Variants in SCN4A observed in about 807,000 individuals in gnomAD.
SCN4A encodes sodium channel protein type 4 subunit alpha.
Under a neutral mutation model 162.0 loss-of-function variants are expected in SCN4A, and 83 were observed. The ratio of observed to expected loss-of-function variants is 0.51; its 90% CI spans 0.43 to 0.61. SCN4A has a LOEUF of 0.61. Among genes scored for constraint, SCN4A ranks in the 20% least tolerant of loss-of-function variants. SCN4A has a pLI of 0.00. For synonymous variants in SCN4A, 944 were observed against 985.1 expected (o/e 0.96, Z 0.78); for missense variants, 2,196 against 2,462.5 (o/e 0.89, Z 2.29).
intron 13 of SCN4A, among the ~76,000 whole-genome samples, chr17:63,955,610 C>G (rs1382535332): frequency 6.6e-6 from 1 of 152,118 alleles, no homozygotes; most frequent in Non-Finnish European, 1.5e-5. Flanking sequence ...CACATAGAAA[C>G]AGCAACTCCC....
At position 63,951,024 on chromosome 17, in the gene SCN4A, G is replaced by A. The variant is rs79444900; in HGVS notation, c.2853+400C>T. Among the ~76,000 whole-genome samples, 4,659 of 152,330 alleles carry A rather than the reference G, an allele frequency of 0.031. 237 individuals carry two copies. The highest frequency in any genetic ancestry group is 0.11 in the African/African-American group (4,454 of 41,558). ...CTAAACAGAGATAGAGGATAAGTGT[G>A]AGGACTGGGCAAGGGGCCTCAAACC... On this transcript the variant is annotated intron_variant, in intron 14 of 23. Coordinates refer to ENST00000435607, the MANE Select transcript of SCN4A (RefSeq NM_000334.4). This position sits in a 1 kb window ranked among gnomAD's most constrained non-coding sequence, Gnocchi z 4.5.
intron 9 of SCN4A, 83 bp downstream of exon 9, chr17:63,964,384 GC>G (rs1417692251): frequency 1.2e-5 from 15 of 1,253,512 alleles, no homozygotes; most frequent in South Asian, 1.0e-4. Flanking sequence ...CTCACCCTCG[GC>G]CCCCCAGGGA....
chr17:63,967,405 G>A (rs575594001), intron 6 of SCN4A, among the ~76,000 whole-genome samples: 2 of 152,062 alleles, frequency 1.3e-5, no homozygotes, highest in East Asian at 2.0e-4. Context: ...TGCCTGCCTC[G>A]CCCTCCCAAA....
rs1431824024 is a variant in SCN4A at position 63,940,701 on chromosome 17, T to C, written c.*70A>G. On this transcript the variant is annotated 3_prime_UTR_variant, in exon 24 of 24. Transcript: ENST00000435607. ...GATTCAAAGCCCTCCTCCCTCACTC[T>C]GTGTGCAGGCACCACGGGGGAGCTC... 6 of 1,495,834 alleles carry C rather than the reference T, an allele frequency of 4.0e-6. No individual in the cohort carries two copies. The South Asian group carries it at 5.4e-5, about 13-fold the overall frequency. The allele number at this position is 1,495,834 out of a possible 1,614,324, so 92.7% of individuals were successfully genotyped here.
chr17:63,970,982 C>T (rs1909591871), intron 5 of SCN4A, among the ~76,000 whole-genome samples, 180 bp downstream of exon 5: 2 of 152,234 alleles, frequency 1.3e-5, no homozygotes, highest in Non-Finnish European at 2.9e-5. Flanking sequence ...AAACGCCCAT[C>T]CTTCCATGTA....
chr17:63,954,343 C>CA (rs1483042874), intron 13 of SCN4A, among the ~76,000 whole-genome samples: 1 of 152,214 alleles, frequency 6.6e-6, no homozygotes, highest in Admixed American at 6.5e-5. Flanking sequence ...CTTTGCCCCC[C>CA]ACCAAAACGC....
chr17:63,967,757 A>G (rs936452299), intron 6 of SCN4A, among the ~76,000 whole-genome samples: 2 of 151,824 alleles, frequency 1.3e-5, no homozygotes, highest in African/African-American at 4.8e-5. Flanking sequence ...ACATGATGTA[A>G]CCCTATCTTT....
In SCN4A at chr17:63,942,891, C is replaced by T. The variant is rs1214960715; in HGVS notation, c.4223G>A (p.Arg1408His). ...CCAGCCAACGGTGAAGTAGTACTGG[C>T]GCAGGGCGAGCATCTTGAGCACGCA... ...GECVLKMLALRQYYFTVGWNI... is the reference protein window; with the variant it reads ...GECVLKMLALHQYYFTVGWNI... The change falls in exon 23 of 24, where the codon CGC becomes CAC. Residue 1408 changes from arginine to histidine, a missense_variant. Physicochemically the swap from Arg to His is conservative, Grantham distance 29. Transcript: ENST00000435607. 5.6e-6 allele frequency: 9 copies of T among 1,613,904 alleles called. No homozygotes were observed. The highest frequency in any genetic ancestry group is 5.9e-6 in the Non-Finnish European group (7 of 1,179,902).
In SCN4A at chr17:63,963,737, T is replaced by A; in HGVS notation, c.1541A>T (p.Gln514Leu). The A allele has an allele frequency of 1.2e-6, 2 of 1,608,654 alleles. No individual in the cohort carries two copies. The highest frequency in any genetic ancestry group is 8.5e-7 in the Non-Finnish European group (1 of 1,177,936). Reference protein sequence around the residue: ...KDCNGSLDTSQGEKGAPRQSS... With the variant: ...KDCNGSLDTSLGEKGAPRQSS... Reference sequence around the variant, plus strand: ...CTGCCTCGGGGCTCCCTTCTCCCCTTGCGATGTGTCCAGGCTGCCATTGCA... The same window carrying A: ...CTGCCTCGGGGCTCCCTTCTCCCCTAGCGATGTGTCCAGGCTGCCATTGCA... The change falls in exon 10 of 24, where the codon CAA becomes CTA. Residue 514 changes from glutamine to leucine, a missense_variant. By Grantham distance (113) the Gln-to-Leu change is moderately radical. Transcript: ENST00000435607.
intron 11 of SCN4A, among the ~76,000 whole-genome samples, chr17:63,959,890 G>A (rs1166408288): frequency 1.3e-5 from 2 of 152,088 alleles, no homozygotes; most frequent in Non-Finnish European, 2.9e-5. Flanking sequence ...ACCCACATGG[G>A]AACGAGCCAC....
Position 63,966,194 on chromosome 17 carries a change from A to T in SCN4A, c.1150T>A (p.Tyr384Asn). The T allele has an allele frequency of 6.2e-7, 1 of 1,601,462 alleles. No individual in the cohort carries two copies. The highest frequency in any genetic ancestry group is 8.5e-7 in the Non-Finnish European group (1 of 1,174,144). The change falls in exon 8 of 24, where the codon TAT (tyrosine) becomes AAT (asparagine). Residue 384 changes from tyrosine (Y) to asparagine (N), a missense_variant. Tyr to Asn is a moderately radical substitution (Grantham distance 143). Transcript: ENST00000435607. ...ECIKTGRNPN[Y>N]GYTSYDTFSW... is the part of the protein sequence containing the mutation. ...AAGGTGTCATAGCTGGTGTAGCCATAGTTGGGGTTCCGCCCGGTCTTGATG... is the reference window on the plus strand; with the variant it reads ...AAGGTGTCATAGCTGGTGTAGCCATTGTTGGGGTTCCGCCCGGTCTTGATG...
intron 7 of SCN4A, 82 bp downstream of exon 7, chr17:63,966,398 GC>G (rs1391963980): frequency 1.3e-5 from 19 of 1,431,194 alleles, no homozygotes; most frequent in Non-Finnish European, 1.8e-5. Context: ...GCACTCCCAT[GC>G]CCCCCAGGTC....
chr17:63,966,423 A>T, intron 7 of SCN4A, 58 bp downstream of exon 7: 1 of 1,523,086 alleles, frequency 6.6e-7, no homozygotes, highest in Non-Finnish European at 9.1e-7. Flanking sequence ...ATCTCTAATC[A>T]GCTCCCACCT....
chr17:63,958,478 T>A (rs1909141757), intron 12 of SCN4A, among the ~76,000 whole-genome samples: 1 of 152,206 alleles, frequency 6.6e-6, no homozygotes, highest in Admixed American at 6.5e-5. Flanking sequence ...TGAAGCTGGG[T>A]GATAGGTACG....
Position 63,948,641 on chromosome 17 carries a change from G to A in SCN4A, c.3114C>T (p.Val1038=), listed in dbSNP as rs572541145. ...CCCCACTGCTGAGCAGGATCATGAA[G>A]ACAATGAAGGTCTCGAACCAGTTGT... ...VEHNWFETFI[V]FMILLSSGAL... is the part of the protein sequence containing the mutation. The change falls in exon 16 of 24, where the codon GTC becomes GTT. Residue 1038 remains valine, a synonymous_variant. Transcript: ENST00000435607. 6.2e-7 allele frequency: 1 copy of A among 1,613,868 alleles called. No individual in the cohort carries two copies. Among genetic ancestry groups the A allele is most frequent in the East Asian group, 2.2e-5 (1 of 44,866 alleles).
chr17:63,963,887 T>C (rs1257105925), intron 9 of SCN4A, 62 bp from the exon 10 acceptor site: 2 of 1,462,836 alleles, frequency 1.4e-6, no homozygotes, highest in South Asian at 1.3e-5. Flanking sequence ...ATGGACTAAT[T>C]GACCCTCAGA....
rs886053250 is a variant in SCN4A at position 63,972,760 on chromosome 17, T to G, written c.82A>C (p.Ile28Leu). 6.9e-5 allele frequency: 111 copies of G among 1,613,540 alleles called. No individual in the cohort carries two copies. Among genetic ancestry groups the G allele is most frequent in the Non-Finnish European group, 9.3e-5 (110 of 1,179,812 alleles). Residue 28 changes from isoleucine (I) to leucine (L), a missense_variant, in exon 1 of 24, where the codon ATA becomes CTA. Coordinates refer to ENST00000435607, the MANE Select transcript of SCN4A (RefSeq NM_000334.4). This position sits in a 1 kb window ranked among gnomAD's most constrained non-coding sequence, Gnocchi z 4.3. ...RPFTRESLAAIEQRAVEEEAR... is the reference protein window; with the variant it reads ...RPFTRESLAALEQRAVEEEAR... ...TCCTCCTCCACCGCCCGCTGTTCTA[T>G]GGCTGCCAGTGACTCCCGGGTGAAG...
intron 13 of SCN4A, among the ~76,000 whole-genome samples, chr17:63,952,660 T>C (rs1908951094): frequency 6.6e-6 from 1 of 152,144 alleles, no homozygotes; most frequent in Non-Finnish European, 1.5e-5. Flanking sequence ...TGACCTACTA[T>C]TTACCCTCTT....
In SCN4A at chr17:63,947,965, C is replaced by T; in HGVS notation, c.3243G>A (p.Leu1081=). 6.2e-7 allele frequency: 1 copy of T among 1,614,032 alleles called. No homozygotes were observed. The highest frequency in any genetic ancestry group is 8.5e-7 in the Non-Finnish European group (1 of 1,179,910). ...TAAAGCCGTAGGCCACCCATTTGAG[C>T]AGCATCTCCATGATGAAGATGTAGG... ...VFTYIFIMEM[L]LKWVAYGFKV... The change falls in exon 17 of 24, where the codon CTG becomes CTA. Residue 1081 remains leucine (L), a synonymous_variant. Coordinates refer to ENST00000435607, the MANE Select transcript of SCN4A (RefSeq NM_000334.4).
Sources: allele counts gnomAD v4.1 joint callset (sites outside exome capture counted in the v4.1 genomes callset), GRCh38; gene constraint gnomAD v4.1.1; non-coding constraint Gnocchi (gnomAD v3.1); transcripts MANE v1.5; gene names NCBI Gene and HGNC (gene_info 2026-07-23, HGNC 2026-07-21).